Variants in ARHGEF7 observed in about 807,000 individuals in gnomAD.
ARHGEF7 encodes the protein Rho guanine nucleotide exchange factor 7, also known as PAK-interacting exchange factor beta.
In ARHGEF7, 33 loss-of-function variants were observed where a neutral mutation model predicts 109.8. That is an observed-to-expected ratio of 0.30 (90% CI 0.23 to 0.40). The LOEUF is 0.40. Ranked by LOEUF, ARHGEF7 falls within the 10% of genes least tolerant of loss-of-function variation. The pLI is 1.00. For missense variants in ARHGEF7, 938 were observed against 1,098.5 expected, an observed-to-expected ratio of 0.85 and a Z score of 2.07; for synonymous variants, 458 against 424.6, an observed-to-expected ratio of 1.08 and a Z score of -0.97.
At chr13:111,233,575 T>C (rs139242832) in intron 6 of ARHGEF7, among the ~76,000 whole-genome samples, 4 of 152,372 alleles carry the variant, frequency 2.6e-5, no homozygotes, top group African/African-American at 9.6e-5. Flanking sequence ...ATAGCCAGTC[T>C]TCAAAAATGA....
At chr13:111,214,209 C>A (rs1256484813) in intron 4 of ARHGEF7, among the ~76,000 whole-genome samples, 1 of 151,790 alleles carries the variant, frequency 6.6e-6, no homozygotes, top group Non-Finnish European at 1.5e-5. Context: ...GTAGAGCGTG[C>A]ATGCATTTGC....
chr13:111,162,746 A>AT (rs2076842077), intron 2 of ARHGEF7, among the ~76,000 whole-genome samples: 4 of 152,038 alleles, frequency 2.6e-5, no homozygotes, highest in African/African-American at 7.2e-5. Context: ...TCTCTTTTAG[A>AT]TTTTTTTTAG....
At chr13:111,251,521 G>A (rs2089771289) in intron 8 of ARHGEF7, among the ~76,000 whole-genome samples, 1 of 152,210 alleles carries the variant, frequency 6.6e-6, no homozygotes, top group Admixed American at 6.5e-5. Flanking sequence ...GCAGAGGGCA[G>A]GAGGACACAG....
chr13:111,267,506 G>A, intron 8 of ARHGEF7, 42 bp from the exon 9 acceptor site: 2 of 1,610,634 alleles, frequency 1.2e-6, no homozygotes, highest in Non-Finnish European at 1.7e-6. Flanking sequence ...TGTCCTGTCT[G>A]TAAAACTGAT....
chr13:111,164,712 G>A (rs902098496), intron 2 of ARHGEF7, among the ~76,000 whole-genome samples: 8 of 152,272 alleles, frequency 5.3e-5, no homozygotes, highest in Non-Finnish European at 1.0e-4. Flanking sequence ...GTGTTAACCC[G>A]GTTTGAAAGT....
intron 9 of ARHGEF7, among the ~76,000 whole-genome samples, chr13:111,267,897 G>A (rs918483565): frequency 2.0e-5 from 3 of 151,736 alleles, no homozygotes; most frequent in Admixed American, 6.6e-5. Context: ...ACAGCCTGAA[G>A]CCCTTTGGCT....
At chr13:111,204,103 G>C (rs1175620098) in intron 2 of ARHGEF7, among the ~76,000 whole-genome samples, 3 of 152,168 alleles carry the variant, frequency 2.0e-5, no homozygotes, top group Non-Finnish European at 4.4e-5. Flanking sequence ...GGGCAGCCAG[G>C]CTGTCAAGGC....
chr13:111,223,563 A>G (rs949594534), intron 5 of ARHGEF7, among the ~76,000 whole-genome samples: 2 of 152,092 alleles, frequency 1.3e-5, no homozygotes, highest in African/African-American at 4.8e-5. Context: ...AAGTGTAGCC[A>G]TTGGTGGTTT....
chr13:111,265,124 CA>C (rs976877106), intron 8 of ARHGEF7, among the ~76,000 whole-genome samples: 19,929 of 69,646 alleles, frequency 0.29, 1,080 homozygotes, highest in East Asian at 0.55. Flanking sequence ...AACTCCATCT[CA>C]AAAAAAAAAA....
intron 1 of ARHGEF7, among the ~76,000 whole-genome samples, chr13:111,146,064 A>G (rs908673983): frequency 1.3e-5 from 2 of 152,202 alleles, no homozygotes; most frequent in Non-Finnish European, 2.9e-5. Flanking sequence ...GATGTGCACA[A>G]GTAGGTCCAG....
At chr13:111,232,316 G>GACACCACCCCA (rs2153525798) in intron 5 of ARHGEF7, among the ~76,000 whole-genome samples, 1 of 152,226 alleles carries the variant, frequency 6.6e-6, no homozygotes, top group African/African-American at 2.4e-5. Context: ...GACACTGTCT[G>GACACCACCCCA]TAGAACTGAT....
At chr13:111,156,998 A>G (rs971226800) in intron 2 of ARHGEF7, among the ~76,000 whole-genome samples, 2 of 152,224 alleles carry the variant, frequency 1.3e-5, no homozygotes, top group African/African-American at 4.8e-5. Flanking sequence ...TTAAAGGGAA[A>G]AAGGAAGTAA....
intron 19 of ARHGEF7, among the ~76,000 whole-genome samples, chr13:111,297,629 A>G (rs894922906): frequency 9.9e-5 from 15 of 152,208 alleles, no homozygotes; most frequent in African/African-American, 3.6e-4. Flanking sequence ...CATGAAATTG[A>G]GACTCAGTGC....
At chr13:111,165,232 G>C (rs1369059221) in intron 2 of ARHGEF7, among the ~76,000 whole-genome samples, 2 of 152,194 alleles carry the variant, frequency 1.3e-5, no homozygotes, top group Non-Finnish European at 2.9e-5. Context: ...CTACTTTCTA[G>C]ATGAGCTACC....
At chr13:111,192,954 G>T (rs995980427) in intron 2 of ARHGEF7, among the ~76,000 whole-genome samples, 4 of 152,240 alleles carry the variant, frequency 2.6e-5, no homozygotes, top group Non-Finnish European at 4.4e-5. Context: ...GTCCTCTCCG[G>T]GCTAGTGACC....
rs1041758287 is a variant in ARHGEF7, at chr13:111,188,221, C to T, written c.253-17068C>T. The stretch of plus-strand genomic sequence containing the variant: ...GCTGTCTTGGTAGCACCTCCTCAGT[C>T]CCTGCAAGGCCTTAGGCTGCCAGAA... On this transcript the variant is annotated intron_variant, in intron 2 of 21. Transcript: ENST00000646102. Among the ~76,000 whole-genome samples, 5 of 152,358 alleles carry T rather than the reference C, an allele frequency of 3.3e-5. No individual in the cohort carries two copies. The East Asian group carries it at 9.6e-4, about 29-fold the overall frequency.
At chr13:111,275,417 T>A (rs1208646238) in intron 11 of ARHGEF7, 115 bp from the exon 12 acceptor site, 10 of 1,179,986 alleles carry the variant, frequency 8.5e-6, no homozygotes, top group Non-Finnish European at 1.2e-5. Flanking sequence ...ATTATCTGTC[T>A]GAAGAAGTAA....
chr13:111,264,678 T>C (rs889849795), intron 8 of ARHGEF7, among the ~76,000 whole-genome samples: 7 of 152,102 alleles, frequency 4.6e-5, no homozygotes, highest in African/African-American at 1.4e-4. Context: ...GGGAGAGAGA[T>C]GGACAGTTAA....
chr13:111,291,496 C>T (rs968772835), intron 18 of ARHGEF7, among the ~76,000 whole-genome samples: 3 of 152,208 alleles, frequency 2.0e-5, no homozygotes, highest in African/African-American at 4.8e-5. Context: ...GGCTGTGGGC[C>T]CTGCCCAATC....
Sources: gnomAD v4.1 joint callset for allele counts (sites outside exome capture counted in the v4.1 genomes callset) on GRCh38, gnomAD v4.1.1 for gene constraint, MANE v1.5 for transcripts, NCBI Gene and HGNC (gene_info 2026-07-23, HGNC 2026-07-21) for gene names.